Variants in PIP5K1B observed in about 807,000 individuals in gnomAD.
The protein encoded by PIP5K1B is phosphatidylinositol 4-phosphate 5-kinase type-1 beta.
Under a neutral mutation model 67.0 loss-of-function variants are expected in PIP5K1B, and 42 were observed. The ratio of observed to expected loss-of-function variants is 0.63; its 90% CI spans 0.49 to 0.81. The LOEUF is 0.81. PIP5K1B is among the 30% of genes least tolerant of loss of function. PIP5K1B has a pLI of 0.00. For missense variants in PIP5K1B, 459 were observed against 646.3 expected, an observed-to-expected ratio of 0.71 and a Z score of 3.14; for synonymous variants, 214 against 231.4, an observed-to-expected ratio of 0.92 and a Z score of 0.68.
At chr9:68,805,601 C>T (rs914340222) in intron 2 of PIP5K1B, among the ~76,000 whole-genome samples, 21 of 152,060 alleles carry the variant, frequency 1.4e-4, no homozygotes, top group Admixed American at 5.9e-4. Flanking sequence ...AGCTGGTGTG[C>T]GGCAGAGTCA....
At chr9:68,898,977 G>A (rs558747644) in intron 8 of PIP5K1B, among the ~76,000 whole-genome samples, 16 of 152,340 alleles carry the variant, frequency 1.1e-4, no homozygotes, top group East Asian at 5.8e-4. Flanking sequence ...GCTTTTGGGC[G>A]AAAGCCAGTG....
In PIP5K1B at chr9:68,938,381, T is replaced by C. The variant is rs553976676; in HGVS notation, c.1358-2265T>C. ...CCTTATTTGTCTCTTTTGATCTTTG[T>C]TGGTTTAAAGTCTGTTTTATCAGAG... is the stretch of plus-strand genomic sequence containing the variant. On this transcript the variant is annotated intron_variant, in intron 13 of 15. Coordinates refer to ENST00000265382, the MANE Select transcript of PIP5K1B (RefSeq NM_003558.4). Among the ~76,000 whole-genome samples, 4 of 152,328 alleles carry C rather than the reference T, an allele frequency of 2.6e-5. No homozygotes were observed. The South Asian group carries it at 6.2e-4, about 24-fold the overall frequency.
chr9:68,729,965 A>G (rs1477352427), intron 1 of PIP5K1B, among the ~76,000 whole-genome samples: 3 of 152,164 alleles, frequency 2.0e-5, no homozygotes, highest in Non-Finnish European at 4.4e-5. Context: ...AACATTCATT[A>G]TAGTCATGAA....
chr9:68,954,853 G>T (rs564388093), intron 14 of PIP5K1B, among the ~76,000 whole-genome samples: 2 of 152,302 alleles, frequency 1.3e-5, no homozygotes, highest in East Asian at 3.8e-4. Flanking sequence ...CCCATCTGCT[G>T]GGGGGCAGGT....
intron 2 of PIP5K1B, among the ~76,000 whole-genome samples, chr9:68,756,817 G>C (rs1829949653): frequency 6.6e-6 from 1 of 152,074 alleles, no homozygotes; most frequent in South Asian, 2.1e-4. Context: ...ATATTTCATA[G>C]TATGCACATT....
intron 2 of PIP5K1B, among the ~76,000 whole-genome samples, chr9:68,759,670 A>G (rs543405911): frequency 1.3e-5 from 2 of 152,256 alleles, no homozygotes; most frequent in South Asian, 4.1e-4. Context: ...AATACAATCA[A>G]TATTTTCAAA....
chr9:68,833,344 A>C (rs1300876173), intron 4 of PIP5K1B, among the ~76,000 whole-genome samples: 2 of 152,002 alleles, frequency 1.3e-5, no homozygotes, highest in Non-Finnish European at 2.9e-5. Context: ...TGGCAGAGAG[A>C]ATGGCCTTTG....
At chr9:68,860,146 T>C (rs1293068074) in intron 4 of PIP5K1B, among the ~76,000 whole-genome samples, 1 of 152,190 alleles carries the variant, frequency 6.6e-6, no homozygotes, top group Non-Finnish European at 1.5e-5. Flanking sequence ...CTTGGACTTA[T>C]TCCTCCTATC....
intron 4 of PIP5K1B, among the ~76,000 whole-genome samples, chr9:68,854,190 G>A (rs530815506): frequency 8.1e-5 from 12 of 148,762 alleles, no homozygotes; most frequent in Admixed American, 1.3e-4. Context: ...AAATGCAGTG[G>A]CACAATCACA....
chr9:68,830,270 C>T (rs1834234464), intron 4 of PIP5K1B, among the ~76,000 whole-genome samples: 1 of 152,122 alleles, frequency 6.6e-6, no homozygotes, highest in Non-Finnish European at 1.5e-5. Context: ...CGTTACCATG[C>T]ACCCCCCGCC....
chr9:68,821,895 T>A (rs899829372), intron 3 of PIP5K1B, among the ~76,000 whole-genome samples: 3 of 152,184 alleles, frequency 2.0e-5, no homozygotes, highest in African/African-American at 7.2e-5. Flanking sequence ...TAGAAAAAAA[T>A]TATTCTTACA....
intron 12 of PIP5K1B, among the ~76,000 whole-genome samples, chr9:68,924,404 A>ATG (rs1564238782): frequency 1.8e-5 from 2 of 112,306 alleles, no homozygotes; most frequent in Non-Finnish European, 3.8e-5. Flanking sequence ...TGCGCCTCAA[A>ATG]AAAAAAAAAA....
At chr9:68,908,718 G>A (rs1408405977) in intron 8 of PIP5K1B, among the ~76,000 whole-genome samples, 1 of 152,176 alleles carries the variant, frequency 6.6e-6, no homozygotes, top group Non-Finnish European at 1.5e-5. Context: ...ACTGTATTCT[G>A]AGGGGTCTAC....
intron 14 of PIP5K1B, 153 bp downstream of exon 14, chr9:68,940,943 C>T: frequency 1.3e-6 from 1 of 758,688 alleles, no homozygotes; most frequent in Non-Finnish European, 2.3e-6. Context: ...TTGATTTTTA[C>T]TGTGGCAAAA....
intron 2 of PIP5K1B, among the ~76,000 whole-genome samples, chr9:68,808,839 C>T (rs1167904370): frequency 6.6e-6 from 1 of 152,128 alleles, no homozygotes; most frequent in East Asian, 1.9e-4. Flanking sequence ...CAGGTGCCAT[C>T]GTTTGGAATT....
At chr9:68,804,135 C>T (rs748623098) in intron 2 of PIP5K1B, among the ~76,000 whole-genome samples, 7 of 152,022 alleles carry the variant, frequency 4.6e-5, no homozygotes, top group Non-Finnish European at 8.8e-5. Context: ...GGGATGATGC[C>T]GCAGCCAGGA....
At chr9:68,842,578 T>A (rs540675299) in intron 4 of PIP5K1B, among the ~76,000 whole-genome samples, 1 of 152,308 alleles carries the variant, frequency 6.6e-6, no homozygotes, top group African/African-American at 2.4e-5. Context: ...TGTACCTTGG[T>A]ATGGGAGTTT....
chr9:68,994,356 A>G (rs1393358364), intron 15 of PIP5K1B, among the ~76,000 whole-genome samples: 2 of 152,114 alleles, frequency 1.3e-5, no homozygotes, highest in African/African-American at 2.4e-5. Flanking sequence ...TTGTTTAAGT[A>G]TTCATTAATT....
chr9:68,748,396 T>C (rs1187955630), intron 2 of PIP5K1B, among the ~76,000 whole-genome samples: 1 of 152,114 alleles, frequency 6.6e-6, no homozygotes, highest in Non-Finnish European at 1.5e-5. Context: ...AAGAAGCATG[T>C]GTAGTTATAG....
Sources: gnomAD v4.1 joint callset for allele counts (sites outside exome capture counted in the v4.1 genomes callset) on GRCh38, gnomAD v4.1.1 for gene constraint, MANE v1.5 for transcripts, NCBI Gene and HGNC (gene_info 2026-07-23, HGNC 2026-07-21) for gene names.